USP16: variants seen among roughly 807,000 people sequenced by gnomAD.
The protein encoded by USP16 is ubiquitin carboxyl-terminal hydrolase 16.
Under a neutral mutation model 95.9 loss-of-function variants are expected in USP16, and 77 were observed. The observed-to-expected ratio is 0.80, with a 90% CI of 0.67 to 0.97. The LOEUF (loss-of-function observed/expected upper bound fraction) is 0.97. Ranked by LOEUF, USP16 falls within the 50% of genes least tolerant of loss-of-function variation. The pLI, the probability that USP16 is intolerant of heterozygous loss-of-function variation, is 0.00. For synonymous variants in USP16, 303 were observed against 318.2 expected (o/e 0.95, Z 0.51); for missense variants, 943 against 959.9 (o/e 0.98, Z 0.23).
intron 16 of USP16, among the ~76,000 whole-genome samples, chr21:29,050,538 G>A (rs533040933): frequency 2.3e-4 from 35 of 152,176 alleles, no homozygotes; most frequent in Non-Finnish European, 2.4e-4. Flanking sequence ...TGGTGGTTCA[G>A]GAATGGCTTT....
At chr21:29,044,242 C>CT (rs2085288587) in intron 13 of USP16, among the ~76,000 whole-genome samples, 2 of 152,006 alleles carry the variant, frequency 1.3e-5, no homozygotes, top group African/African-American at 4.8e-5. Context: ...CCGACCACCA[C>CT]TTTCCTTTTA....
chr21:29,050,359 TTTCAG>T (rs2085395950), intron 16 of USP16, among the ~76,000 whole-genome samples, 181 bp downstream of exon 16: 2 of 152,218 alleles, frequency 1.3e-5, no homozygotes, highest in South Asian at 4.1e-4. Context: ...GAATGGGTTA[TTTCAG>T]TTCAACGTTT....
At chr21:29,025,665 C>T in intron 1 of USP16, 1 of 797,254 alleles carries the variant, frequency 1.3e-6, no homozygotes, top group Non-Finnish European at 1.5e-6. Context: ...TTCACTACTG[C>T]AGACTTCTGA....
At chr21:29,043,678 T>A in intron 13 of USP16, 79 bp downstream of exon 13, 1 of 1,289,348 alleles carries the variant, frequency 7.8e-7, no homozygotes, top group African/African-American at 1.5e-5. Context: ...ATGACATTGG[T>A]TAGACATGTC....
chr21:29,048,292 A>G (rs1415826430), intron 14 of USP16, among the ~76,000 whole-genome samples: 1 of 152,132 alleles, frequency 6.6e-6, no homozygotes, highest in African/African-American at 2.4e-5. Context: ...CACGTTGGCC[A>G]GGGTGGTCTC....
chr21:29,046,156 G>T (rs1038266701), intron 13 of USP16, among the ~76,000 whole-genome samples: 1 of 151,940 alleles, frequency 6.6e-6, no homozygotes, highest in Non-Finnish European at 1.5e-5. Flanking sequence ...TATTTTTTGA[G>T]ACAGAGTCTT....
chr21:29,034,327 G>A (rs1157586885), intron 3 of USP16, among the ~76,000 whole-genome samples: 1 of 146,954 alleles, frequency 6.8e-6, no homozygotes, highest in Non-Finnish European at 1.5e-5. Context: ...TTTATTTTGA[G>A]ATGGAGTTTT....
intron 4 of USP16, among the ~76,000 whole-genome samples, chr21:29,035,419 G>A (rs1379635845): frequency 6.6e-6 from 1 of 151,214 alleles, no homozygotes; most frequent in Non-Finnish European, 1.5e-5. Context: ...TGTCGCCCAG[G>A]CTGGAGTGCA....
chr21:29,046,757 G>A lies in USP16; in HGVS notation c.1447G>A (p.Ala483Thr). Reference protein sequence around the residue: ...IDHPEDSEYEAEMSLQGEVNI... With the variant: ...IDHPEDSEYETEMSLQGEVNI... ...CCATCCTGAAGACAGTGAATATGAA[G>A]CTGAAATGTCACTTCAAGGAGAAGT... Residue 483 changes from alanine (A) to threonine (T), a missense_variant, in exon 14 of 18, where the codon GCT (alanine) becomes ACT (threonine). Ala to Thr is a moderately conservative substitution (Grantham distance 58, BLOSUM62 0). Coordinates refer to ENST00000399976, the MANE Select transcript of USP16 (RefSeq NM_006447.3). 1 of 1,613,766 alleles carries A rather than the reference G, an allele frequency of 6.2e-7. No homozygotes were observed.
At chr21:29,045,400 T>C (rs1169832082) in intron 13 of USP16, among the ~76,000 whole-genome samples, 1 of 152,198 alleles carries the variant, frequency 6.6e-6, no homozygotes, top group African/African-American at 2.4e-5. Flanking sequence ...AGGTTGCAAG[T>C]GGCAAGAGTG....
intron 3 of USP16, among the ~76,000 whole-genome samples, chr21:29,032,294 TAATCACG>T (rs1428564108): frequency 6.6e-6 from 1 of 152,124 alleles, no homozygotes; most frequent in Non-Finnish European, 1.5e-5. Flanking sequence ...TTCAGCGGTA[TAATCACG>T]GCTCACGGCA....
intron 15 of USP16, among the ~76,000 whole-genome samples, chr21:29,049,601 C>T (rs989086214): frequency 3.3e-5 from 5 of 152,126 alleles, no homozygotes; most frequent in Non-Finnish European, 7.4e-5. Context: ...GTTCTGTCAC[C>T]CAGGCTGGTG....
At chr21:29,038,472 G>T in intron 7 of USP16, 42 bp downstream of exon 7, 1 of 1,228,808 alleles carries the variant, frequency 8.1e-7, no homozygotes, top group Non-Finnish European at 1.2e-6. Flanking sequence ...TTTCCTCTCT[G>T]AATGTGTGTT....
At chr21:29,049,116 G>A (rs746225097) in intron 15 of USP16, among the ~76,000 whole-genome samples, 50 of 151,426 alleles carry the variant, frequency 3.3e-4, no homozygotes, top group Non-Finnish European at 5.7e-4. Flanking sequence ...TTTTATTTCA[G>A]GTTAAAAAAA....
At chr21:29,039,232 A>C (rs1418525000) in intron 8 of USP16, 76 bp downstream of exon 8, 47 of 1,235,502 alleles carry the variant, frequency 3.8e-5, no homozygotes, top group Non-Finnish European at 4.6e-5. Flanking sequence ...AAATAGTAAA[A>C]TATAAAAATA....
chr21:29,047,014 A>G lies in USP16; in HGVS notation c.1704A>G (p.Gly568=). The part of the protein sequence containing the change: ...NGAYLTEGSN[G]EVDISNGFKN... ...CCTACCTAACGGAAGGGAGCAATGG[A>G]GAAGTGGACATTTCCAATGGTTTCA... The change falls in exon 14 of 18, where the codon GGA becomes GGG. Residue 568 remains glycine, a synonymous_variant. Coordinates refer to ENST00000399976, the MANE Select transcript of USP16 (RefSeq NM_006447.3). The G allele has an allele frequency of 6.2e-7, 1 of 1,614,142 alleles. No homozygotes were observed. The highest frequency in any genetic ancestry group is 8.5e-7 in the Non-Finnish European group (1 of 1,180,032).
chr21:29,043,796 C>CT (rs1568894283), intron 13 of USP16, among the ~76,000 whole-genome samples, 197 bp downstream of exon 13: 1 of 151,250 alleles, frequency 6.6e-6, no homozygotes, highest in South Asian at 2.1e-4. Context: ...CGTCGTGCTT[C>CT]TTTTTTTTTA....
intron 14 of USP16, 53 bp from the exon 15 acceptor site, chr21:29,048,708 T>C: frequency 7.2e-7 from 1 of 1,397,306 alleles, no homozygotes; most frequent in South Asian, 1.2e-5. Flanking sequence ...ATCTGAATGC[T>C]TTAGGGGTCT....
At position 29,027,910 on chromosome 21, in the gene USP16, C is replaced by T. The variant is rs1278415746; in HGVS notation, c.-4C>T. The T allele has an allele frequency of 6.2e-7, 1 of 1,613,306 alleles. No individual in the cohort carries two copies. The highest frequency in any genetic ancestry group is 8.5e-7 in the Non-Finnish European group (1 of 1,179,672). ...TGTCAGTAAGTAATCCATAAAGTGCCAACATGGGAAAGAAACGGACAAAGG... is the reference window on the plus strand; with the variant it reads ...TGTCAGTAAGTAATCCATAAAGTGCTAACATGGGAAAGAAACGGACAAAGG... On this transcript the variant is annotated 5_prime_UTR_variant, in exon 2 of 18. Transcript: ENST00000399976.
Sources: gnomAD v4.1 joint callset for allele counts (sites outside exome capture counted in the v4.1 genomes callset) on GRCh38, gnomAD v4.1.1 for gene constraint, MANE v1.5 for transcripts, NCBI Gene and HGNC (gene_info 2026-07-23, HGNC 2026-07-21) for gene names.